The following TANC2 variants were observed in gnomAD, a reference collection of about 807,000 sequenced individuals.
The protein encoded by TANC2 is tetratricopeptide repeat, ankyrin repeat and coiled-coil containing 2.
Under a neutral mutation model 210.5 loss-of-function variants are expected in TANC2, and 26 were observed. That is an observed-to-expected ratio of 0.12 (90% confidence interval 0.09 to 0.17). The LOEUF is 0.17. Ranked by LOEUF, TANC2 falls within the 10% of genes least tolerant of loss-of-function variation. The probability of loss-of-function intolerance (pLI) is 1.00; values close to 1 mark genes in which losing one functional copy is unlikely to be tolerated. For missense variants in TANC2, 2,129 were observed against 2,608.9 expected (o/e 0.82, Z 4.01); for synonymous variants, 931 against 967.1 (o/e 0.96, Z 0.69).
At chr17:63,235,350 AG>A (rs2042591765) in intron 7 of TANC2, among the ~76,000 whole-genome samples, 1 of 152,066 alleles carries the variant, frequency 6.6e-6, no homozygotes, top group Non-Finnish European at 1.5e-5. Context: ...TAATCACTAA[AG>A]GGGAAATAGA....
intron 11 of TANC2, among the ~76,000 whole-genome samples, chr17:63,337,962 C>T (rs2046093145): frequency 6.6e-6 from 1 of 152,178 alleles, no homozygotes; most frequent in South Asian, 2.1e-4. Flanking sequence ...TTCTGTTGTA[C>T]AGCTGCATAG....
At chr17:63,287,580 T>G (rs1598779269) in intron 9 of TANC2, among the ~76,000 whole-genome samples, 2 of 152,312 alleles carry the variant, frequency 1.3e-5, no homozygotes, top group East Asian at 3.9e-4. Flanking sequence ...CTGTCTTGCC[T>G]TAATCATTTG....
At chr17:63,300,474 T>C (rs2044676460) in intron 9 of TANC2, among the ~76,000 whole-genome samples, 1 of 152,222 alleles carries the variant, frequency 6.6e-6, no homozygotes, top group African/African-American at 2.4e-5. Flanking sequence ...GTAGTTCTCC[T>C]TGAAGAGGTC....
chr17:63,050,561 C>CT (rs1347074163), intron 2 of TANC2, among the ~76,000 whole-genome samples: 1 of 152,080 alleles, frequency 6.6e-6, no homozygotes, highest in Non-Finnish European at 1.5e-5. Context: ...CTGGGGCAGT[C>CT]TATCATGTAG....
At chr17:63,296,523 A>C (rs1452251948) in intron 9 of TANC2, among the ~76,000 whole-genome samples, 1 of 152,238 alleles carries the variant, frequency 6.6e-6, no homozygotes, top group Non-Finnish European at 1.5e-5. Context: ...GCATACACAG[A>C]AATAGGAAAG....
chr17:63,121,659 T>C (rs1567740253), intron 4 of TANC2, among the ~76,000 whole-genome samples: 1 of 152,144 alleles, frequency 6.6e-6, no homozygotes, highest in Non-Finnish European at 1.5e-5. Flanking sequence ...AAAAAATCTT[T>C]AAGTAAAACT....
chr17:63,143,067 A>G (rs942977954), intron 4 of TANC2, among the ~76,000 whole-genome samples: 1 of 152,220 alleles, frequency 6.6e-6, no homozygotes, highest in Non-Finnish European at 1.5e-5. Context: ...ACATGGTAGG[A>G]ACACAGAAGC....
chr17:63,188,060 T>A (rs962808392), intron 5 of TANC2, among the ~76,000 whole-genome samples: 2 of 152,106 alleles, frequency 1.3e-5, no homozygotes, highest in Non-Finnish European at 2.9e-5. Context: ...AAGAAATTTC[T>A]TCAGGCAAAA....
intron 9 of TANC2, among the ~76,000 whole-genome samples, chr17:63,269,663 T>C (rs1598743285): frequency 6.6e-6 from 1 of 152,204 alleles, no homozygotes; most frequent in East Asian, 1.9e-4. Context: ...TATTGAGTTC[T>C]GTTGATATGT....
At chr17:63,089,499 AG>A (rs2037101404) in intron 3 of TANC2, among the ~76,000 whole-genome samples, 1 of 152,202 alleles carries the variant, frequency 6.6e-6, no homozygotes, top group African/African-American at 2.4e-5. Context: ...ACAATTAAGT[AG>A]GTGGGTGCCA....
chr17:63,398,782 T>G (rs1243078709), intron 18 of TANC2, 39 bp from the exon 19 acceptor site: 2 of 1,454,004 alleles, frequency 1.4e-6, no homozygotes, highest in Non-Finnish European at 1.9e-6. Context: ...AGCATAGTTT[T>G]CCACCTGAAG....
intron 17 of TANC2, chr17:63,390,965 C>T (rs763634566): frequency 6.6e-6 from 1 of 152,158 alleles, no homozygotes; most frequent in South Asian, 2.1e-4. Flanking sequence ...TCTCAAGGTG[C>T]CTGTATCTCA....
At chr17:63,246,292 T>TA (rs1322367157) in intron 8 of TANC2, among the ~76,000 whole-genome samples, 2 of 151,958 alleles carry the variant, frequency 1.3e-5, no homozygotes, top group Admixed American at 6.6e-5. Context: ...TGTGGATTTT[T>TA]AAAAAAATTT....
intron 4 of TANC2, among the ~76,000 whole-genome samples, chr17:63,099,572 A>G (rs1255182927): frequency 6.6e-6 from 1 of 151,934 alleles, no homozygotes; most frequent in African/African-American, 2.4e-5. Flanking sequence ...TTTATTTTCT[A>G]AATGACCCAT....
chr17:63,400,802 C>T (rs2048320704), intron 19 of TANC2, among the ~76,000 whole-genome samples: 1 of 148,638 alleles, frequency 6.7e-6, no homozygotes, highest in Non-Finnish European at 1.5e-5. Context: ...CACCACCACA[C>T]CTGACTAATT....
exon 14 of TANC2, chr17:63,355,369 C>T (rs758139432): frequency 1.3e-6 from 2 of 1,585,670 alleles, no homozygotes; most frequent in African/African-American, 1.4e-5. Flanking sequence ...GGAGAGAAAA[C>T]CAAATTTCTC....
chr17:63,163,288 A>G (rs1410795715), intron 5 of TANC2, among the ~76,000 whole-genome samples: 6 of 152,180 alleles, frequency 3.9e-5, no homozygotes, highest in Admixed American at 2.6e-4. Context: ...GAATATAACT[A>G]TGGGAGTGGG....
chr17:62,995,543 A>G (rs1354405037), intron 1 of TANC2, among the ~76,000 whole-genome samples: 1 of 152,210 alleles, frequency 6.6e-6, no homozygotes, highest in Non-Finnish European at 1.5e-5. Flanking sequence ...TAGGTGCTGT[A>G]TGAAAGAGCT....
intron 15 of TANC2, 147 bp from the exon 16 acceptor site, chr17:63,388,488 C>T (rs1038237730): frequency 4.1e-6 from 3 of 734,952 alleles, no homozygotes; most frequent in Non-Finnish European, 6.4e-6. Flanking sequence ...TTTGTCCCCC[C>T]ACCTAGGCTT....
Sources: gnomAD v4.1 joint callset for allele counts (sites outside exome capture counted in the v4.1 genomes callset) on GRCh38, gnomAD v4.1.1 for gene constraint, MANE v1.5 for transcripts, NCBI Gene and HGNC (gene_info 2026-07-23, HGNC 2026-07-21) for gene names.